The following MMS22L variants were observed in gnomAD, a reference collection of about 807,000 sequenced individuals.
The protein encoded by MMS22L is protein MMS22-like.
In MMS22L, 74 loss-of-function variants were observed where a neutral mutation model predicts 159.1. That is an observed-to-expected ratio of 0.47 (90% CI 0.39 to 0.56). MMS22L has a LOEUF of 0.56. MMS22L is among the 20% of genes least tolerant of loss of function. The pLI, the probability that MMS22L is intolerant of heterozygous loss-of-function variation, is 0.00. For synonymous variants in MMS22L, 517 were observed against 506.9 expected (o/e 1.02, Z -0.27); for missense variants, 1,351 against 1,422.1 (o/e 0.95, Z 0.80).
intron 4 of MMS22L, among the ~76,000 whole-genome samples, chr6:97,273,331 C>G (rs994782084): frequency 6.6e-6 from 1 of 152,146 alleles, no homozygotes; most frequent in African/African-American, 2.4e-5. Flanking sequence ...CTTCATGGTG[C>G]CAGATAATGA....
chr6:97,283,714 T>G (rs543473615), upstream of MMS22L: 1 of 152,344 alleles, frequency 6.6e-6, no homozygotes, highest in Non-Finnish European at 1.5e-5. Flanking sequence ...AATTGACGTT[T>G]ATAGGTGACC....
chr6:97,159,010 A>G (rs1203397740), intron 22 of MMS22L, among the ~76,000 whole-genome samples: 2 of 151,992 alleles, frequency 1.3e-5, no homozygotes, highest in Non-Finnish European at 2.9e-5. Context: ...GTGCATATAC[A>G]TTTAGGACAG....
At chr6:97,271,154 T>C (rs919964828) in intron 6 of MMS22L, 10 of 152,096 alleles carry the variant, frequency 6.6e-5, no homozygotes, top group Non-Finnish European at 1.3e-4. Flanking sequence ...AACAAATATA[T>C]AAAGTCTTGA....
At chr6:97,241,041 T>C (rs1812004088) in intron 11 of MMS22L, among the ~76,000 whole-genome samples, 1 of 152,228 alleles carries the variant, frequency 6.6e-6, no homozygotes. Flanking sequence ...ACCTCCAAGT[T>C]AAAAACGAGA....
At chr6:97,214,071 C>A (rs909560677) in intron 14 of MMS22L, among the ~76,000 whole-genome samples, 1 of 152,140 alleles carries the variant, frequency 6.6e-6, no homozygotes, top group African/African-American at 2.4e-5. Context: ...AGAATTACAT[C>A]TAAGGTTCTA....
intron 10 of MMS22L, chr6:97,253,824 T>C (rs1319757414): frequency 6.6e-6 from 1 of 152,190 alleles, no homozygotes; most frequent in Admixed American, 6.5e-5. Flanking sequence ...ACCACTGCCA[T>C]AAAAAATGGC....
chr6:97,266,845 T>C (rs1014621389), intron 8 of MMS22L: 1 of 152,100 alleles, frequency 6.6e-6, no homozygotes, highest in Admixed American at 6.6e-5. Flanking sequence ...TGAGGAGGAT[T>C]AGGAGGGAGG....
chr6:97,282,376 G>A lies in MMS22L; in HGVS notation c.102C>T (p.Asp34=). ...AAAAATGTTTTCCTCCTCCTCTGTT[G>A]TCAACAGCACAAGAAAAGTAAGGAG... ...CKPPYFSCAV[D]NRGGGKHFSG... is the part of the protein sequence containing the mutation. The change falls in exon 2 of 25, where the codon GAC becomes GAT. Residue 34 remains aspartate (D), a synonymous_variant. Coordinates refer to ENST00000683635, the MANE Select transcript of MMS22L (RefSeq NM_001350599.2). The A allele has an allele frequency of 1.2e-6, 2 of 1,614,088 alleles. No homozygotes were observed. Among genetic ancestry groups the A allele is most frequent in the Non-Finnish European group, 1.7e-6 (2 of 1,180,014 alleles).
At chr6:97,211,586 A>G (rs1808379203) in intron 14 of MMS22L, among the ~76,000 whole-genome samples, 1 of 152,158 alleles carries the variant, frequency 6.6e-6, no homozygotes, top group African/African-American at 2.4e-5. Flanking sequence ...TAGCATGTAC[A>G]TAAACTTTTT....
chr6:97,241,143 T>C (rs1217473031), intron 11 of MMS22L, among the ~76,000 whole-genome samples: 2 of 152,252 alleles, frequency 1.3e-5, no homozygotes, highest in Non-Finnish European at 2.9e-5. Flanking sequence ...CATTATTTCA[T>C]TCCTTTTTAA....
rs1803172939 is a variant in MMS22L, at chr6:97,168,197, T to C, written c.2883A>G (p.Lys961=). The change falls in exon 20 of 25, where the codon AAA becomes AAG. Residue 961 remains lysine, a synonymous_variant. Coordinates refer to ENST00000683635, the MANE Select transcript of MMS22L (RefSeq NM_001350599.2). ...KSWAQIFATS[K]AQKLLFRIID... is the part of the protein sequence containing the mutation. ...TGATCCGGAATAGTAATTTTTGGGC[T>C]TTAGAAGTGGCAAAGATTTGTGCCC... The C allele has an allele frequency of 6.2e-7, 1 of 1,612,982 alleles. No individual in the cohort carries two copies. The highest frequency in any genetic ancestry group is 1.7e-5 in the Admixed American group (1 of 59,884).
intron 22 of MMS22L, among the ~76,000 whole-genome samples, chr6:97,156,792 C>T (rs765639922): frequency 1.3e-5 from 2 of 152,016 alleles, no homozygotes; most frequent in Admixed American, 6.6e-5. Flanking sequence ...AGGATTATCT[C>T]GGCTATGCAC....
chr6:97,265,278 C>T (rs2128080560), intron 8 of MMS22L: 1 of 152,318 alleles, frequency 6.6e-6, no homozygotes, highest in East Asian at 1.9e-4. Flanking sequence ...CTTCAATAAA[C>T]AGGTTGGGAC....
intron 15 of MMS22L, among the ~76,000 whole-genome samples, chr6:97,182,471 C>T (rs1392623094): frequency 1.3e-5 from 2 of 152,140 alleles, no homozygotes; most frequent in Admixed American, 6.5e-5. Context: ...ACCTTAGACA[C>T]TGGACATTCT....
rs762261804 is a variant in MMS22L, at chr6:97,151,734, AAT to A, written c.3482+35_3482+36del. The A allele has an allele frequency of 2.0e-6, 3 of 1,534,388 alleles. No individual in the cohort carries two copies. In the East Asian group the frequency reaches 6.7e-5, roughly 35 times the overall value. ...ACATGTTGGCTGTCAAATGGCTGGC[AAT>A]AGTTTCCTTGCCAGGTGGCATATTT... On this transcript the variant is annotated intron_variant, in intron 23 of 24. Coordinates refer to ENST00000683635, the MANE Select transcript of MMS22L (RefSeq NM_001350599.2).
intron 6 of MMS22L, chr6:97,271,100 G>C (rs1420592489): frequency 6.6e-6 from 1 of 151,968 alleles, no homozygotes; most frequent in African/African-American, 2.4e-5. Context: ...AGCTCAACTG[G>C]AAGTACCAAT....
At chr6:97,233,633 G>A (rs1366922406) in intron 12 of MMS22L, among the ~76,000 whole-genome samples, 1 of 151,896 alleles carries the variant, frequency 6.6e-6, no homozygotes, top group Non-Finnish European at 1.5e-5. Flanking sequence ...TAGCTACTTT[G>A]TTTACCCTTG....
chr6:97,160,805 G>C (rs1802365181), intron 22 of MMS22L, among the ~76,000 whole-genome samples: 2 of 151,648 alleles, frequency 1.3e-5, no homozygotes, highest in Non-Finnish European at 2.9e-5. Context: ...TGTCCTCTGT[G>C]CTTTAGATTG....
chr6:97,160,358 T>C (rs1212371295), intron 22 of MMS22L, among the ~76,000 whole-genome samples: 2 of 152,074 alleles, frequency 1.3e-5, no homozygotes, highest in East Asian at 3.9e-4. Flanking sequence ...TTTTGAAAGG[T>C]AGCTTTGCTG....
Sources: gnomAD v4.1 joint callset for allele counts (sites outside exome capture counted in the v4.1 genomes callset) on GRCh38, gnomAD v4.1.1 for gene constraint, MANE v1.5 for transcripts, NCBI Gene and HGNC (gene_info 2026-07-23, HGNC 2026-07-21) for gene names.